BTBD9: variants seen among roughly 807,000 people sequenced by gnomAD.
The protein encoded by BTBD9 is BTB domain containing 9.
A neutral mutation model predicts 64.3 loss-of-function variants in BTBD9; 49 were observed. That is an observed-to-expected ratio of 0.76 (90% confidence interval 0.61 to 0.97). The LOEUF is 0.97. Among genes scored for constraint, BTBD9 ranks in the 50% least tolerant of loss-of-function variants. The pLI is 0.00. For missense variants in BTBD9, 598 were observed against 762.1 expected (o/e 0.78, Z 2.53); for synonymous variants, 260 against 274.7 (o/e 0.95, Z 0.53).
At chr6:38,448,405 G>A (rs1582447157) in intron 6 of BTBD9, among the ~76,000 whole-genome samples, 1 of 152,264 alleles carries the variant, frequency 6.6e-6, no homozygotes, top group African/African-American at 2.4e-5. Context: ...AAGGAAAAAG[G>A]ACAAAGACAG....
At chr6:38,281,216 G>C (rs1761503101) in intron 8 of BTBD9, among the ~76,000 whole-genome samples, 1 of 152,162 alleles carries the variant, frequency 6.6e-6, no homozygotes, top group African/African-American at 2.4e-5. Flanking sequence ...GGAGGGAAGT[G>C]CATGAGCAAC....
intron 6 of BTBD9, chr6:38,571,900 C>A (rs974643187): frequency 1.3e-5 from 2 of 152,170 alleles, no homozygotes; most frequent in Non-Finnish European, 2.9e-5. Flanking sequence ...GCAGAGGTTG[C>A]AGTGAGCCAA....
chr6:38,374,283 G>GTATATATATATATGTATATATATGTATA lies in BTBD9; in HGVS notation c.1155-29218_1155-29191dup, dbSNP rs1765555823. 8.8e-5 allele frequency among the ~76,000 whole-genome samples: 4 copies of GTATATATATATATGTATATATATGTATA among 45,486 alleles called. 1 individual carries two copies. The highest frequency in any genetic ancestry group is 1.4e-4 in the Non-Finnish European group (4 of 29,598). The allele number at this position is 45,486 out of a possible 152,430, so 29.8% of individuals were successfully genotyped here. ...GGCCTTGTGTCGAAAAAAAAAAAAA[G>GTATATATATATATGTATATATATGTATA]TATATATATATATGTATATATATGT... On this transcript the variant is annotated intron_variant, in intron 6 of 10. Transcript: ENST00000481247.
At chr6:38,600,526 A>G (rs1385999668) in intron 1 of BTBD9, among the ~76,000 whole-genome samples, 3 of 152,032 alleles carry the variant, frequency 2.0e-5, no homozygotes, top group Non-Finnish European at 2.9e-5. Context: ...TGACTTCAAA[A>G]CCTCTTCAAT....
At chr6:38,438,200 A>AAAGGAAGG in intron 6 of BTBD9, among the ~76,000 whole-genome samples, 1 of 109,384 alleles carries the variant, frequency 9.1e-6, no homozygotes, top group Non-Finnish European at 1.7e-5. Context: ...GGAAAGGAGG[A>AAAGGAAGG]AAGGAAGGAG....
chr6:38,538,348 T>G (rs1336988923), intron 6 of BTBD9, among the ~76,000 whole-genome samples: 1 of 152,140 alleles, frequency 6.6e-6, no homozygotes, highest in Non-Finnish European at 1.5e-5. Flanking sequence ...ACACATGCAT[T>G]GTCAACACTA....
At chr6:38,223,889 T>G (rs149815882) in intron 9 of BTBD9, among the ~76,000 whole-genome samples, 5 of 152,152 alleles carry the variant, frequency 3.3e-5, no homozygotes, top group Non-Finnish European at 7.3e-5. Flanking sequence ...CTTTCTATAG[T>G]TTTTTTGGAG....
intron 9 of BTBD9, among the ~76,000 whole-genome samples, chr6:38,246,634 C>CT (rs1400616399): frequency 1.3e-5 from 2 of 151,314 alleles, no homozygotes; most frequent in Non-Finnish European, 2.9e-5. Flanking sequence ...ACATGACTGG[C>CT]TTTTTTCATT....
At chr6:38,235,114 G>A (rs1181456297) in intron 9 of BTBD9, among the ~76,000 whole-genome samples, 1 of 152,156 alleles carries the variant, frequency 6.6e-6, no homozygotes, top group Non-Finnish European at 1.5e-5. Context: ...GTTCCACAGC[G>A]AGCCTGCACT....
chr6:38,615,190 C>T (rs761047463), intron 1 of BTBD9, among the ~76,000 whole-genome samples: 2 of 152,248 alleles, frequency 1.3e-5, no homozygotes, highest in Non-Finnish European at 2.9e-5. Context: ...TTTCCTCATG[C>T]AGCCTTCCTT....
At chr6:38,265,019 C>A (rs566762009) in intron 8 of BTBD9, among the ~76,000 whole-genome samples, 95 of 152,228 alleles carry the variant, frequency 6.2e-4, no homozygotes, top group African/African-American at 2.0e-3. Flanking sequence ...AGAGAGTCTA[C>A]CTACTGTCTC....
Position 38,448,159 on chromosome 6 carries a change from C to T in BTBD9, c.1155-103066G>A, listed in dbSNP as rs572801648. Among the ~76,000 whole-genome samples the T allele has an allele frequency of 7.9e-5, 12 of 152,296 alleles. No homozygotes were observed. In the South Asian group the frequency reaches 2.3e-3, roughly 29 times the overall value. On this transcript the variant is annotated intron_variant, in intron 6 of 10. Coordinates refer to ENST00000481247, the MANE Select transcript of BTBD9 (RefSeq NM_001099272.2). ...TCATCCCCAGCCAAAGCCTCTCTTC[C>T]GCAACCAAAATTCTCCACAATAGTG...
chr6:38,390,985 T>C (rs1766384318), intron 6 of BTBD9, among the ~76,000 whole-genome samples: 1 of 152,240 alleles, frequency 6.6e-6, no homozygotes, highest in Non-Finnish European at 1.5e-5. Context: ...CCTAATTTAC[T>C]CTATCATTCC....
chr6:38,177,818 G>A (rs888441725), intron 10 of BTBD9, among the ~76,000 whole-genome samples: 1 of 152,250 alleles, frequency 6.6e-6, no homozygotes, highest in Non-Finnish European at 1.5e-5. Flanking sequence ...AGATAATAAT[G>A]CAAATGGCTG....
chr6:38,246,720 A>C (rs985681053), intron 9 of BTBD9, among the ~76,000 whole-genome samples: 12 of 152,224 alleles, frequency 7.9e-5, no homozygotes, highest in African/African-American at 2.9e-4. Context: ...GCATTTCAAA[A>C]GTGACAATTA....
chr6:38,179,055 G>T (rs545584247), intron 10 of BTBD9, among the ~76,000 whole-genome samples: 184 of 152,240 alleles, frequency 1.2e-3, no homozygotes, highest in Non-Finnish European at 2.0e-3. Context: ...GTTTCACCAT[G>T]TTGGCCAGGA....
At chr6:38,253,637 G>A (rs1764474543) in intron 9 of BTBD9, among the ~76,000 whole-genome samples, 3 of 152,240 alleles carry the variant, frequency 2.0e-5, no homozygotes, top group Admixed American at 2.0e-4. Flanking sequence ...ACATGTACAA[G>A]ATGACAAGCT....
intron 7 of BTBD9, among the ~76,000 whole-genome samples, chr6:38,327,873 A>T (rs1429510793): frequency 2.6e-5 from 4 of 152,206 alleles, no homozygotes; most frequent in Non-Finnish European, 5.9e-5. Context: ...CATCAGGTGT[A>T]TCGCCACATT....
intron 7 of BTBD9, among the ~76,000 whole-genome samples, chr6:38,321,545 C>T (rs1195429049): frequency 6.6e-6 from 1 of 152,186 alleles, no homozygotes; most frequent in African/African-American, 2.4e-5. Flanking sequence ...CCTTAACATG[C>T]TGGATCTTTG....
Sources: gnomAD v4.1 joint callset for allele counts (sites outside exome capture counted in the v4.1 genomes callset) on GRCh38, gnomAD v4.1.1 for gene constraint, MANE v1.5 for transcripts, NCBI Gene and HGNC (gene_info 2026-07-23, HGNC 2026-07-21) for gene names.